The following GAS7 variants were observed in gnomAD, a reference collection of about 807,000 sequenced individuals.
GAS7 encodes growth arrest specific 7.
In GAS7, 28 loss-of-function variants were observed where a neutral mutation model predicts 71.1. That is an observed-to-expected ratio of 0.39 (90% confidence interval 0.29 to 0.54). The LOEUF (loss-of-function observed/expected upper bound fraction) is 0.54, where lower values mean the gene tolerates loss of function less well. Ranked by LOEUF, GAS7 falls within the 20% of genes least tolerant of loss-of-function variation. The pLI is 0.62. For synonymous variants in GAS7, 258 were observed against 245.8 expected, an observed-to-expected ratio of 1.05 and a Z score of -0.46; for missense variants, 436 against 627.8, an observed-to-expected ratio of 0.69 and a Z score of 3.27.
At chr17:10,030,011 C>G (rs2072573478) in intron 1 of GAS7, among the ~76,000 whole-genome samples, 1 of 152,192 alleles carries the variant, frequency 6.6e-6, no homozygotes, top group Admixed American at 6.5e-5. Context: ...TGTTGTCCCT[C>G]CTGCCAAATA....
At chr17:10,122,530 C>T (rs1320040699) in intron 1 of GAS7, among the ~76,000 whole-genome samples, 1 of 152,202 alleles carries the variant, frequency 6.6e-6, no homozygotes, top group Non-Finnish European at 1.5e-5. Flanking sequence ...CCCTCCCTGG[C>T]GCCCTCCCTC....
chr17:10,163,113 A>AG (rs1341811381), intron 1 of GAS7, among the ~76,000 whole-genome samples: 1 of 152,132 alleles, frequency 6.6e-6, no homozygotes, highest in Non-Finnish European at 1.5e-5. Context: ...AGAAAAAAAA[A>AG]TTATTTTTCT....
At chr17:10,007,581 G>A (rs770460696) in intron 2 of GAS7, among the ~76,000 whole-genome samples, 12 of 130,660 alleles carry the variant, frequency 9.2e-5, no homozygotes, top group Non-Finnish European at 1.5e-4. Context: ...AGCTGAGATC[G>A]CACCACTGCA....
intron 8 of GAS7, among the ~76,000 whole-genome samples, chr17:9,939,121 T>C (rs2068504887): frequency 6.6e-6 from 1 of 152,234 alleles, no homozygotes; most frequent in Admixed American, 6.5e-5. Context: ...TGTATTAGTT[T>C]GAGTGCCTGT....
intron 3 of GAS7, among the ~76,000 whole-genome samples, chr17:9,970,700 T>C (rs1006251505): frequency 6.6e-6 from 1 of 152,094 alleles, no homozygotes; most frequent in Non-Finnish European, 1.5e-5. Flanking sequence ...CTTATAACTT[T>C]ATGTCTCTTG....
At chr17:10,163,368 C>T (rs748379612) in intron 1 of GAS7, among the ~76,000 whole-genome samples, 2 of 151,536 alleles carry the variant, frequency 1.3e-5, no homozygotes, top group Non-Finnish European at 1.5e-5. Context: ...TCCAGTGATC[C>T]GCTTGCCTCG....
At chr17:10,042,397 T>C (rs1427196202) in intron 1 of GAS7, among the ~76,000 whole-genome samples, 2 of 152,042 alleles carry the variant, frequency 1.3e-5, no homozygotes, top group Non-Finnish European at 2.9e-5. Context: ...GAAAAATTAT[T>C]CATCAGCCCA....
At chr17:10,028,770 T>C (rs752038878) in intron 1 of GAS7, among the ~76,000 whole-genome samples, 12 of 150,586 alleles carry the variant, frequency 8.0e-5, no homozygotes, top group Non-Finnish European at 5.9e-5. Flanking sequence ...AGAAGGAAAA[T>C]GCACATTGGT....
chr17:9,912,145 G>A lies in GAS7; in HGVS notation c.*5083C>T. Reference sequence around the variant, plus strand: ...TTGCACTGTCTTTGGGGGGTCCTAGGAGAAACTACCTCATTCTTAACAGCT... The same window carrying A: ...TTGCACTGTCTTTGGGGGGTCCTAGAAGAAACTACCTCATTCTTAACAGCT... On this transcript the variant is annotated 3_prime_UTR_variant, in exon 14 of 14. Transcript: ENST00000432992. 4.3e-6 allele frequency: 1 copy of A among 232,376 alleles called. No individual in the cohort carries two copies. 14.4% of individuals were successfully genotyped at this position (232,376 alleles called of 1,614,324 possible). A position where few individuals can be genotyped will look rare whatever the true frequency, so the allele number is the denominator to read the frequency against.
Position 10,147,058 on chromosome 17 carries a change from T to A in GAS7, c.183+51150A>T, listed in dbSNP as rs115279295. Among the ~76,000 whole-genome samples, 276 of 152,266 alleles carry A rather than the reference T, an allele frequency of 1.8e-3. 1 individual carries two copies. Among genetic ancestry groups the A allele is most frequent in the African/African-American group, 6.4e-3 (265 of 41,564 alleles). ...TCTGTACTCCTGTGGGCATTCGAAA[T>A]TGAGATTTACCTATTAAGTCAAGAA... is the stretch of plus-strand genomic sequence containing the variant. On this transcript the variant is annotated intron_variant, in intron 1 of 13. Transcript: ENST00000432992.
intron 2 of GAS7, among the ~76,000 whole-genome samples, chr17:10,015,066 A>T (rs979961892): frequency 1.0e-3 from 156 of 152,138 alleles, no homozygotes; most frequent in African/African-American, 3.0e-3. Context: ...GAGGCAAGAG[A>T]ATCGCTTGAA....
intron 2 of GAS7, among the ~76,000 whole-genome samples, chr17:10,003,721 T>A (rs1244312055): frequency 6.6e-6 from 1 of 152,138 alleles, no homozygotes; most frequent in Non-Finnish European, 1.5e-5. Flanking sequence ...GCATCATCTG[T>A]CCAAGGATGA....
intron 1 of GAS7, among the ~76,000 whole-genome samples, chr17:10,128,025 C>T (rs776045381): frequency 4.6e-5 from 7 of 152,168 alleles, no homozygotes; most frequent in African/African-American, 9.6e-5. Flanking sequence ...GAGGCAGCAC[C>T]GGCGAGGGAT....
chr17:9,952,980 C>G (rs1412697529), intron 5 of GAS7, among the ~76,000 whole-genome samples: 2 of 152,090 alleles, frequency 1.3e-5, no homozygotes, highest in African/African-American at 4.8e-5. Flanking sequence ...TTCGACCCAG[C>G]AATCCCATTA....
At chr17:10,007,499 C>T (rs1264612800) in intron 2 of GAS7, among the ~76,000 whole-genome samples, 1 of 151,764 alleles carries the variant, frequency 6.6e-6, no homozygotes, top group Non-Finnish European at 1.5e-5. Flanking sequence ...TGGTGGGCAC[C>T]TGTAATCCCA....
At chr17:9,957,627 G>A (rs1249143271) in intron 5 of GAS7, among the ~76,000 whole-genome samples, 1 of 142,186 alleles carries the variant, frequency 7.0e-6, no homozygotes, top group Non-Finnish European at 1.5e-5. Flanking sequence ...AGACTCTGGA[G>A]AGCTCCTGCT....
At chr17:10,166,414 C>T (rs1330418962) in intron 1 of GAS7, among the ~76,000 whole-genome samples, 1 of 152,212 alleles carries the variant, frequency 6.6e-6, no homozygotes, top group Non-Finnish European at 1.5e-5. Flanking sequence ...GATAAACAGG[C>T]ATCAGAGTTT....
At chr17:10,000,709 C>T (rs924964631) in intron 2 of GAS7, among the ~76,000 whole-genome samples, 1 of 152,178 alleles carries the variant, frequency 6.6e-6, no homozygotes, top group Non-Finnish European at 1.5e-5. Flanking sequence ...ACTCTTCATA[C>T]GAAAGAGTGG....
chr17:9,959,946 A>G lies in GAS7; in HGVS notation c.472-691T>C, dbSNP rs2069414439. Reference sequence around the variant, plus strand: ...GTCCTGGGATCGTTCTGGCAGAGAAAATTAAGGACTGCCAGTGCAAAATGC... The same window carrying G: ...GTCCTGGGATCGTTCTGGCAGAGAAGATTAAGGACTGCCAGTGCAAAATGC... On this transcript the variant is annotated intron_variant, in intron 4 of 13. Transcript: ENST00000432992. This position sits in a 1 kb window ranked among gnomAD's most constrained non-coding sequence, Gnocchi z 5.0. Among the ~76,000 whole-genome samples, 2 of 152,150 alleles carry G rather than the reference A, an allele frequency of 1.3e-5. No individual in the cohort carries two copies. The highest frequency in any genetic ancestry group is 4.8e-5 in the African/African-American group (2 of 41,436).
Sources: gnomAD v4.1 joint callset for allele counts (sites outside exome capture counted in the v4.1 genomes callset) on GRCh38, gnomAD v4.1.1 for gene constraint, Gnocchi (gnomAD v3.1) non-coding constraint, MANE v1.5 for transcripts, NCBI Gene and HGNC (gene_info 2026-07-23, HGNC 2026-07-21) for gene names.